The following SMTN variants were observed in gnomAD, a reference collection of about 807,000 sequenced individuals.
SMTN encodes the protein smoothelin.
Under a neutral mutation model 102.0 loss-of-function variants are expected in SMTN, and 58 were observed. That is an observed-to-expected ratio of 0.57 (90% CI 0.46 to 0.71). The LOEUF is 0.71. SMTN is among the 30% of genes least tolerant of loss of function. The pLI, the probability that SMTN is intolerant of heterozygous loss-of-function variation, is 0.00. For synonymous variants in SMTN, 478 were observed against 497.9 expected, an observed-to-expected ratio of 0.96 and a Z score of 0.53; for missense variants, 1,185 against 1,241.7, an observed-to-expected ratio of 0.95 and a Z score of 0.69.
At position 31,095,603 on chromosome 22, in the gene SMTN, A is replaced by G. The variant is rs1390991789; in HGVS notation, c.1855A>G (p.Lys619Glu). ...TGCACTTCGTGAGCTCCGACAAAGG[A>G]AGAGAGGTAGAGAGCCAGTTGCCCT... ...RAALRELRQR[K>E]RDQRDKERER... Residue 619 changes from lysine to glutamate, a missense_variant, in exon 13 of 21, where the codon AAG (lysine) becomes GAG (glutamate). By Grantham distance (56) the Lys-to-Glu change is moderately conservative. This residue lies in a region of SMTN where 1,096 missense variants were observed against 1,112.7 expected (regional missense o/e 0.98). Transcript: ENST00000333137. The surrounding 1 kb of genome is among the most constrained non-coding windows in gnomAD (Gnocchi z 4.1). The G allele has an allele frequency of 4.3e-6, 7 of 1,612,772 alleles. No homozygotes were observed. The highest frequency in any genetic ancestry group is 5.9e-6 in the Non-Finnish European group (7 of 1,179,538).
In SMTN at chr22:31,089,708, C is replaced by G; in HGVS notation, c.481C>G (p.Arg161Gly). 1 of 1,597,090 alleles carries G rather than the reference C, an allele frequency of 6.3e-7. No individual in the cohort carries two copies. Among genetic ancestry groups the G allele is most frequent in the Non-Finnish European group, 8.5e-7 (1 of 1,175,864 alleles). Residue 161 changes from arginine to glycine, a missense_variant, in exon 7 of 21, where the codon CGA becomes GGA. Arg to Gly is a moderately radical substitution (Grantham distance 125, BLOSUM62 -2). Transcript: ENST00000333137. The part of the protein sequence containing the change: ...HRLEQCEVPE[R>G]EEQEQQAEVS... Reference sequence around the variant, plus strand: ...TGTGGGTCCCTTACAGGTGCCAGAGCGAGAGGAACAGGAACAGCAGGCAGA... The same window carrying G: ...TGTGGGTCCCTTACAGGTGCCAGAGGGAGAGGAACAGGAACAGCAGGCAGA...
intron 2 of SMTN, 129 bp downstream of exon 2, chr22:31,083,438 CAG>C: frequency 1.7e-6 from 2 of 1,155,274 alleles, no homozygotes; most frequent in Non-Finnish European, 2.4e-6. Flanking sequence ...GACATGGGAA[CAG>C]GGGTAGGCCA....
At chr22:31,097,613 A>G (rs1160384842) in intron 16 of SMTN, among the ~76,000 whole-genome samples, 1 of 152,106 alleles carries the variant, frequency 6.6e-6, no homozygotes, top group African/African-American at 2.4e-5. Flanking sequence ...CCGAGGCACA[A>G]GAATCACTTG....
At position 31,097,046 on chromosome 22, in the gene SMTN, T is replaced by C. The variant is rs1285663422; in HGVS notation, c.2075T>C (p.Val692Ala). 7 of 1,614,006 alleles carry C rather than the reference T, an allele frequency of 4.3e-6. No individual in the cohort carries two copies. Among genetic ancestry groups the C allele is most frequent in the Non-Finnish European group, 5.9e-6 (7 of 1,180,010 alleles). ...ACCACCACAGTGGAGTCGAGTTTCG[T>C]GAGGCGCTCGGAGAGTAAGGCCACC... is the stretch of plus-strand genomic sequence containing the variant. ...ARTTTVESSF[V>A]RRSENGSGST... The change falls in exon 15 of 21, where the codon GTG (valine) becomes GCG (alanine). Residue 692 changes from valine (V) to alanine (A), a missense_variant. Transcript: ENST00000333137.
At chr22:31,103,994 C>G in intron 20 of SMTN, 1 of 363,014 alleles carries the variant, frequency 2.8e-6, no homozygotes, top group Non-Finnish European at 5.1e-6. Flanking sequence ...AAGGTGGTCT[C>G]CAGGGAGAAC....
chr22:31,085,330 G>A (rs2042612899), intron 2 of SMTN: 2 of 1,462,202 alleles, frequency 1.4e-6, no homozygotes, highest in East Asian at 2.6e-5. Flanking sequence ...AGGGAGGGCG[G>A]TCGCAGAACC....
intron 3 of SMTN, 161 bp from the exon 4 acceptor site, chr22:31,088,352 C>A (rs1249193434): frequency 3.9e-6 from 3 of 761,714 alleles, no homozygotes; most frequent in African/African-American, 3.5e-5. Flanking sequence ...TTAGTGCCCA[C>A]GTCCATGGGC....
upstream of SMTN, among the ~76,000 whole-genome samples, chr22:31,080,287 CAG>C (rs1220642606): frequency 6.6e-6 from 1 of 152,204 alleles, no homozygotes; most frequent in Non-Finnish European, 1.5e-5. Flanking sequence ...GGTCTGGACT[CAG>C]AAGGTGCTGG....
chr22:31,065,203 T>C (rs1391612172), intron 1 of SMTN: 3 of 151,954 alleles, frequency 2.0e-5, no homozygotes, highest in African/African-American at 4.9e-5. Context: ...TTACTGGGCA[T>C]GTTAACACTG....
chr22:31,103,855 G>A (rs2147839914), intron 20 of SMTN: 1 of 160,300 alleles, frequency 6.2e-6, no homozygotes, highest in East Asian at 1.8e-4. Context: ...ACAATCATCG[G>A]TGGACCACAG....
In SMTN at chr22:31,091,019, T is replaced by C. The variant is rs779416121; in HGVS notation, c.996T>C (p.Asp332=). 3.1e-6 allele frequency: 5 copies of C among 1,613,984 alleles called. No individual in the cohort carries two copies. In the South Asian group the frequency reaches 3.3e-5, roughly 11 times the overall value. The change falls in exon 10 of 21, where the codon GAT becomes GAC. Residue 332 remains aspartate, a synonymous_variant. Transcript: ENST00000333137. Reference sequence around the variant, plus strand: ...TCCAGCGGGCTGGCTCTGTGCGGGATCGTGTCCACAAGTTCACATCTGATT... The same window carrying C: ...TCCAGCGGGCTGGCTCTGTGCGGGACCGTGTCCACAAGTTCACATCTGATT... The part of the protein sequence containing the change: ...SSFQRAGSVR[D]RVHKFTSDSP...
Position 31,090,958 on chromosome 22 carries a change from T to C in SMTN, c.938-3T>C. ...TTGCTGACAGCCCTCCTGTTCCTTC[T>C]AGAGTCCACCCCCCTTGCCAGCGGA... On this transcript the variant is annotated splice_region_variant and splice_polypyrimidine_tract_variant and intron_variant, in intron 9 of 20. Transcript: ENST00000333137. 2 of 1,613,098 alleles carry C rather than the reference T, an allele frequency of 1.2e-6. No homozygotes were observed. Among genetic ancestry groups the C allele is most frequent in the Non-Finnish European group, 1.7e-6 (2 of 1,179,312 alleles).
intron 1 of SMTN, among the ~76,000 whole-genome samples, chr22:31,074,454 A>G (rs2042080879): frequency 6.6e-6 from 1 of 151,956 alleles, no homozygotes; most frequent in Admixed American, 6.6e-5. Flanking sequence ...GATTTTGGGC[A>G]AATGCCTTCC....
In SMTN at chr22:31,093,835, C is replaced by A; in HGVS notation, c.1633-1468C>A. 1.9e-6 allele frequency: 3 copies of A among 1,588,702 alleles called. No homozygotes were observed. The highest frequency in any genetic ancestry group is 2.3e-5 in the East Asian group (1 of 44,336). The stretch of plus-strand genomic sequence containing the variant: ...GGCCCACCCACCTGCCTTCAGCACC[C>A]GCCGCCGCTCCTCCACCGGCACCAC... On this transcript the variant is annotated intron_variant, in intron 11 of 20. Coordinates refer to ENST00000333137, the MANE Select transcript of SMTN (RefSeq NM_134269.3).
At chr22:31,077,446 G>T (rs2042158501), upstream of SMTN, among the ~76,000 whole-genome samples, 1 of 151,976 alleles carries the variant, frequency 6.6e-6, no homozygotes, top group Admixed American at 6.5e-5. Context: ...CTCCTTATCT[G>T]TATAATGGTG....
chr22:31,087,805 T>A, intron 2 of SMTN, 160 bp from the exon 3 acceptor site: 1 of 665,962 alleles, frequency 1.5e-6, no homozygotes. Context: ...GGGCTGGGTC[T>A]ACCCCCGGGA....
intron 1 of SMTN, 122 bp downstream of exon 1, chr22:31,081,578 G>T (rs573707406): frequency 1.3e-4 from 20 of 152,414 alleles, no homozygotes; most frequent in African/African-American, 4.8e-4. Flanking sequence ...CATACGAGAG[G>T]TCTAAGCCAT....
chr22:31,075,606 G>A (rs187282792), intron 1 of SMTN, among the ~76,000 whole-genome samples: 3 of 151,904 alleles, frequency 2.0e-5, no homozygotes, highest in African/African-American at 4.8e-5. Context: ...ACTTGAAGCC[G>A]GGAGGCAGGG....
intron 20 of SMTN, chr22:31,102,814 A>C (rs1026516936): frequency 8.5e-5 from 13 of 152,682 alleles, no homozygotes; most frequent in African/African-American, 3.1e-4. Flanking sequence ...CGGGATCCCC[A>C]GGACGATAGC....
Sources: allele counts gnomAD v4.1 joint callset (sites outside exome capture counted in the v4.1 genomes callset), GRCh38; gene constraint gnomAD v4.1.1; regional missense constraint gnomAD v4.1.1; non-coding constraint Gnocchi (gnomAD v3.1); transcripts MANE v1.5; gene names NCBI Gene and HGNC (gene_info 2026-07-23, HGNC 2026-07-21).